The following THRB variants were observed in gnomAD, a reference collection of about 807,000 sequenced individuals.
THRB encodes thyroid hormone receptor beta.
THRB carries 12 observed loss-of-function variants against 47.8 expected under a neutral mutation model. That is an observed-to-expected ratio of 0.25 (90% CI 0.16 to 0.41). The LOEUF is 0.41. THRB is among the 10% of genes least tolerant of loss of function. THRB has a pLI of 1.00. For synonymous variants in THRB, 218 were observed against 212.2 expected (o/e 1.03, Z -0.24); for missense variants, 348 against 589.2 (o/e 0.59, Z 4.24).
At chr3:24,330,617 G>C (rs1156451852) in intron 2 of THRB, among the ~76,000 whole-genome samples, 1 of 152,038 alleles carries the variant, frequency 6.6e-6, no homozygotes, top group African/African-American at 2.4e-5. Context: ...CTTTTACTAC[G>C]TAAGTGTGTA....
At chr3:24,492,436 C>A (rs1293492791) in intron 1 of THRB, among the ~76,000 whole-genome samples, 2 of 152,162 alleles carry the variant, frequency 1.3e-5, no homozygotes, top group Admixed American at 1.3e-4. Context: ...CTCAAGTGGT[C>A]AGGGAAGGGC....
In THRB at chr3:24,188,996, T is replaced by G. The variant is rs186254417; in HGVS notation, c.283+1078A>C. On this transcript the variant is annotated intron_variant, in intron 5 of 10. Transcript: ENST00000646209. ...CACTATTACTTTTGAATAACTCTAT[T>G]TCCAACTGAAACACTCAATTTCCCA... Among the ~76,000 whole-genome samples, 63 of 151,350 alleles carry G rather than the reference T, an allele frequency of 4.2e-4. 1 individual carries two copies. In the East Asian group the frequency reaches 0.011, roughly 28 times the overall value.
chr3:24,483,565 C>T (rs974089441), intron 1 of THRB, among the ~76,000 whole-genome samples: 4 of 150,246 alleles, frequency 2.7e-5, no homozygotes, highest in Non-Finnish European at 4.4e-5. Context: ...AAGTTCCCAA[C>T]ACTCTTTGCA....
chr3:24,309,946 G>T (rs9848509), intron 2 of THRB, among the ~76,000 whole-genome samples: 1 of 152,150 alleles, frequency 6.6e-6, no homozygotes, highest in Non-Finnish European at 1.5e-5. Context: ...AAGTGGAAAA[G>T]AAAGTTAAGG....
chr3:24,208,247 C>T (rs1347109913), intron 4 of THRB, among the ~76,000 whole-genome samples: 1 of 151,848 alleles, frequency 6.6e-6, no homozygotes. Context: ...TAGGAAGAAT[C>T]AATATTGTGA....
intron 1 of THRB, among the ~76,000 whole-genome samples, chr3:24,346,385 A>G (rs2063017257): frequency 6.6e-6 from 1 of 152,070 alleles, no homozygotes; most frequent in Non-Finnish European, 1.5e-5. Flanking sequence ...TTAATTCAAA[A>G]TATGGTAACA....
intron 4 of THRB, among the ~76,000 whole-genome samples, chr3:24,201,247 G>A (rs1336173351): frequency 1.3e-5 from 2 of 152,170 alleles, no homozygotes; most frequent in South Asian, 2.1e-4. Context: ...TGGCGAGGTT[G>A]GGGCTGGAGA....
intron 1 of THRB, among the ~76,000 whole-genome samples, chr3:24,460,379 CT>C (rs1342900059): frequency 1.3e-5 from 2 of 152,142 alleles, no homozygotes; most frequent in African/African-American, 4.8e-5. Flanking sequence ...AAAGTTTACC[CT>C]CAATTATCTT....
intron 1 of THRB, among the ~76,000 whole-genome samples, chr3:24,448,936 G>T (rs755006548): frequency 6.6e-6 from 1 of 152,236 alleles, no homozygotes; most frequent in South Asian, 2.1e-4. Context: ...AGAAAGATGC[G>T]AATTTAGAGA....
At chr3:24,165,588 C>T in intron 5 of THRB, 1 of 481,872 alleles carries the variant, frequency 2.1e-6, no homozygotes, top group Non-Finnish European at 3.7e-6. Flanking sequence ...GTCTTTTGAG[C>T]TCTTCTGCCA....
In THRB at chr3:24,160,454, C is replaced by T. The variant is rs149996213; in HGVS notation, c.284-7964G>A. ...AGGGAAGAAAGGCAGGAAAACATGG[C>T]GGGAGGTATCTGCGGATAAGGAAAG... On this transcript the variant is annotated intron_variant, in intron 5 of 10. Transcript: ENST00000646209. 5.4e-4 allele frequency among the ~76,000 whole-genome samples: 82 copies of T among 152,178 alleles called. 1 individual carries two copies. Among genetic ancestry groups the T allele is most frequent in the East Asian group, 1.5e-3 (8 of 5,176 alleles).
At chr3:24,176,377 A>ACTTT (rs2041153404) in intron 5 of THRB, among the ~76,000 whole-genome samples, 2 of 152,186 alleles carry the variant, frequency 1.3e-5, no homozygotes, top group South Asian at 4.1e-4. Flanking sequence ...GCTACAGTAT[A>ACTTT]CTTTCTTTAT....
chr3:24,283,483 A>AT (rs1312684273), intron 3 of THRB, among the ~76,000 whole-genome samples: 18 of 151,694 alleles, frequency 1.2e-4, no homozygotes, highest in South Asian at 4.2e-4. Flanking sequence ...TATCATACTG[A>AT]ATGGGCAAAA....
chr3:24,371,859 C>T (rs1304826855), intron 1 of THRB, among the ~76,000 whole-genome samples: 1 of 152,120 alleles, frequency 6.6e-6, no homozygotes, highest in Non-Finnish European at 1.5e-5. Flanking sequence ...GTTCAACCTA[C>T]ATTTGATATT....
intron 1 of THRB, among the ~76,000 whole-genome samples, chr3:24,418,228 T>A (rs997908087): frequency 4.1e-5 from 6 of 147,724 alleles, no homozygotes; most frequent in African/African-American, 1.5e-4. Context: ...CACATTCACA[T>A]GTCAAGGGTA....
At chr3:24,162,130 T>C (rs2038946953) in intron 5 of THRB, among the ~76,000 whole-genome samples, 1 of 151,754 alleles carries the variant, frequency 6.6e-6, no homozygotes, top group African/African-American at 2.4e-5. Context: ...ATGTGATTAG[T>C]ATTTGTGATG....
chr3:24,480,918 AT>A (rs1269207841), intron 1 of THRB, among the ~76,000 whole-genome samples: 1 of 152,168 alleles, frequency 6.6e-6, no homozygotes, highest in Non-Finnish European at 1.5e-5. Context: ...TGAAAAGAAA[AT>A]TTAAAAAGCG....
intron 2 of THRB, among the ~76,000 whole-genome samples, chr3:24,327,610 T>G (rs1166575960): frequency 6.6e-6 from 1 of 152,224 alleles, no homozygotes; most frequent in Non-Finnish European, 1.5e-5. Flanking sequence ...GGTTCCTGTG[T>G]CCTTATTCTC....
At chr3:24,272,406 C>G (rs1266150407) in intron 3 of THRB, among the ~76,000 whole-genome samples, 1 of 151,396 alleles carries the variant, frequency 6.6e-6, no homozygotes, top group East Asian at 1.9e-4. Context: ...AAAAACCAAC[C>G]AAAAACCCTC....
Sources: allele counts gnomAD v4.1 joint callset (sites outside exome capture counted in the v4.1 genomes callset), GRCh38; gene constraint gnomAD v4.1.1; transcripts MANE v1.5; gene names NCBI Gene and HGNC (gene_info 2026-07-23, HGNC 2026-07-21).